NTF3: variants seen among roughly 807,000 people sequenced by gnomAD.
NTF3 encodes neurotrophin 3, also known as neurotrophin-3.
A neutral mutation model predicts 26.3 loss-of-function variants in NTF3; 8 were observed. That is an observed-to-expected ratio of 0.30 (90% CI 0.18 to 0.55). NTF3 has a LOEUF of 0.55. NTF3 is among the 20% of genes least tolerant of loss of function. NTF3 has a pLI of 0.93. For missense variants in NTF3, 276 were observed against 352.9 expected (o/e 0.78, Z 1.75); for synonymous variants, 154 against 145.5 (o/e 1.06, Z -0.42).
At chr12:5,467,343 C>A (rs1940605421) in intron 1 of NTF3, among the ~76,000 whole-genome samples, 1 of 150,232 alleles carries the variant, frequency 6.7e-6, no homozygotes, top group South Asian at 2.1e-4. Context: ...TTTATCAGAC[C>A]TCTTCTTCTG....
chr12:5,447,867 G>A (rs1190187747), intron 1 of NTF3, among the ~76,000 whole-genome samples: 6 of 152,166 alleles, frequency 3.9e-5, no homozygotes, highest in East Asian at 1.9e-4. Context: ...ATGTTACAGC[G>A]CTGGCTTGAA....
chr12:5,457,458 G>C (rs1426375012), intron 1 of NTF3, among the ~76,000 whole-genome samples: 3 of 152,034 alleles, frequency 2.0e-5, no homozygotes, highest in African/African-American at 7.2e-5. Context: ...CTCTTTCCTT[G>C]GTAGGATACC....
At chr12:5,432,646 C>T (rs1389573895) in intron 1 of NTF3, among the ~76,000 whole-genome samples, 1 of 151,884 alleles carries the variant, frequency 6.6e-6, no homozygotes, top group Non-Finnish European at 1.5e-5. Flanking sequence ...CCTCTTGTCC[C>T]TCGGCTGCCC....
intron 1 of NTF3, among the ~76,000 whole-genome samples, chr12:5,485,409 G>T (rs1940855315): frequency 6.6e-6 from 1 of 152,178 alleles, no homozygotes; most frequent in African/African-American, 2.4e-5. Flanking sequence ...AGAGACAGGG[G>T]TTTGTTCCCT....
intron 1 of NTF3, among the ~76,000 whole-genome samples, chr12:5,455,533 AACACACACACACAC>A (rs60429736): frequency 4.4e-4 from 46 of 103,810 alleles, no homozygotes; most frequent in South Asian, 1.7e-3. Context: ...ACCCCTCCCC[AACACACACACACAC>A]ACACACACAC....
At chr12:5,432,079 GT>G, upstream of NTF3, 1 of 551,656 alleles carries the variant, frequency 1.8e-6, no homozygotes, top group Non-Finnish European at 3.3e-6. Context: ...GGGTTGGCTG[GT>G]TATAACCGCG....
intron 1 of NTF3, among the ~76,000 whole-genome samples, chr12:5,491,838 G>A (rs1440892819): frequency 9.4e-5 from 14 of 149,224 alleles, no homozygotes; most frequent in Non-Finnish European, 4.4e-5. Flanking sequence ...TCCTGCCTCA[G>A]CCTCCCGAGT....
intron 1 of NTF3, among the ~76,000 whole-genome samples, chr12:5,468,811 G>A (rs1940625917): frequency 6.6e-6 from 1 of 152,202 alleles, no homozygotes; most frequent in African/African-American, 2.4e-5. Flanking sequence ...CAGAGGGGAG[G>A]TGGGATACCA....
At chr12:5,482,140 T>G (rs1940814317) in intron 1 of NTF3, among the ~76,000 whole-genome samples, 1 of 151,886 alleles carries the variant, frequency 6.6e-6, no homozygotes, top group Admixed American at 6.6e-5. Context: ...CAGACACACA[T>G]AGACACATGT....
At chr12:5,465,628 C>T (rs1353879636) in intron 1 of NTF3, among the ~76,000 whole-genome samples, 2 of 152,232 alleles carry the variant, frequency 1.3e-5, no homozygotes, top group Non-Finnish European at 2.9e-5. Context: ...ATTCGGCAAA[C>T]CTGAGGCTTA....
chr12:5,431,056 G>A (rs959097123), upstream of NTF3, among the ~76,000 whole-genome samples: 2 of 152,288 alleles, frequency 1.3e-5, no homozygotes, highest in African/African-American at 4.8e-5. Flanking sequence ...AGAGAGAACG[G>A]CTCGGAGCAA....
upstream of NTF3, among the ~76,000 whole-genome samples, chr12:5,431,010 A>G (rs539548437): frequency 3.3e-5 from 5 of 152,182 alleles, no homozygotes; most frequent in African/African-American, 1.2e-4. Context: ...TCGATGGCAA[A>G]TGGGCGAAAT....
At chr12:5,447,266 T>C (rs1940317981) in intron 1 of NTF3, among the ~76,000 whole-genome samples, 1 of 152,230 alleles carries the variant, frequency 6.6e-6, no homozygotes, top group Non-Finnish European at 1.5e-5. Context: ...CTGGGCAATT[T>C]ATTGTTTTTC....
At chr12:5,469,698 C>G (rs1940640441) in intron 1 of NTF3, among the ~76,000 whole-genome samples, 1 of 152,170 alleles carries the variant, frequency 6.6e-6, no homozygotes, top group South Asian at 2.1e-4. Context: ...GAATGTGTCT[C>G]TCTTTCACAT....
At chr12:5,462,592 C>T (rs956097601) in intron 1 of NTF3, among the ~76,000 whole-genome samples, 2 of 152,172 alleles carry the variant, frequency 1.3e-5, no homozygotes, top group African/African-American at 4.8e-5. Context: ...TCATGCCACA[C>T]CCCAGATATG....
intron 1 of NTF3, among the ~76,000 whole-genome samples, chr12:5,485,351 T>TGA (rs1193937293): frequency 6.6e-6 from 1 of 152,172 alleles, no homozygotes; most frequent in Non-Finnish European, 1.5e-5. Context: ...GGAGTGAAAT[T>TGA]GAGAGATATT....
At chr12:5,457,336 CCTG>C (rs1400961845) in intron 1 of NTF3, among the ~76,000 whole-genome samples, 1 of 152,168 alleles carries the variant, frequency 6.6e-6, no homozygotes. Context: ...TTCCTCATTT[CCTG>C]TTCAATGCTT....
At position 5,494,124 on chromosome 12, in the gene NTF3, G is replaced by T. The variant is rs1940971727; in HGVS notation, c.19-70G>T. The T allele has an allele frequency of 2.7e-6, 4 of 1,496,800 alleles. No individual in the cohort carries two copies. The Admixed American group carries it at 6.9e-5, about 26-fold the overall frequency. 92.7% of individuals were successfully genotyped at this position (1,496,800 alleles called of 1,614,324 possible). A position where few individuals can be genotyped will look rare whatever the true frequency, so the allele number is the denominator to read the frequency against. On this transcript the variant is annotated intron_variant, in intron 1 of 1. Transcript: ENST00000423158. This position sits in a 1 kb window ranked among gnomAD's most constrained non-coding sequence, Gnocchi z 8.3. The stretch of plus-strand genomic sequence containing the variant: ...CCCTCACAGGGCTACTCAGCCTCAG[G>T]TAGCTGGTGCCAGAATAACACAGAC...
intron 1 of NTF3, among the ~76,000 whole-genome samples, chr12:5,489,691 G>A (rs1940910000): frequency 6.6e-6 from 1 of 152,184 alleles, no homozygotes; most frequent in Non-Finnish European, 1.5e-5. Flanking sequence ...AGGTGCTCCT[G>A]TGTAGGGAAG....
Sources: allele counts gnomAD v4.1 joint callset (sites outside exome capture counted in the v4.1 genomes callset), GRCh38; gene constraint gnomAD v4.1.1; non-coding constraint Gnocchi (gnomAD v3.1); transcripts MANE v1.5; gene names NCBI Gene and HGNC (gene_info 2026-07-23, HGNC 2026-07-21).